IFT43: variants seen among roughly 807,000 people sequenced by gnomAD.
IFT43 encodes intraflagellar transport protein 43 homolog.
A neutral mutation model predicts 32.3 loss-of-function variants in IFT43; 33 were observed. That is an observed-to-expected ratio of 1.02 (90% CI 0.77 to 1.37). The LOEUF (loss-of-function observed/expected upper bound fraction) is 1.37. IFT43 is among the 40% of genes most tolerant of loss of function. The pLI is 0.00. For missense variants in IFT43, 274 were observed against 265.9 expected (o/e 1.03, Z -0.21); for synonymous variants, 93 against 98.2 (o/e 0.95, Z 0.31).
chr14:76,064,485 A>G (rs980159276), intron 5 of IFT43, among the ~76,000 whole-genome samples: 4 of 152,304 alleles, frequency 2.6e-5, no homozygotes, highest in African/African-American at 7.2e-5. Context: ...GCGGTTAAGG[A>G]GCAGTGTGCA....
intron 3 of IFT43, among the ~76,000 whole-genome samples, chr14:76,033,989 G>A (rs2036554327): frequency 6.6e-6 from 1 of 152,158 alleles, no homozygotes; most frequent in African/African-American, 2.4e-5. Context: ...CATGAAGAAG[G>A]CATTTTGGTT....
intron 3 of IFT43, among the ~76,000 whole-genome samples, chr14:76,051,580 C>T (rs1037133989): frequency 1.1e-4 from 17 of 152,208 alleles, no homozygotes; most frequent in African/African-American, 3.6e-4. Flanking sequence ...TTAGATGATC[C>T]GGGAATATTG....
intron 2 of IFT43, among the ~76,000 whole-genome samples, chr14:76,008,730 GA>G (rs1198982463): frequency 3.9e-5 from 6 of 152,128 alleles, no homozygotes; most frequent in African/African-American, 7.2e-5. Context: ...TTGATATGTG[GA>G]AAATATCTTG....
intron 2 of IFT43, among the ~76,000 whole-genome samples, chr14:76,000,374 C>T (rs1050895699): frequency 6.6e-5 from 10 of 151,336 alleles, no homozygotes; most frequent in African/African-American, 2.2e-4. Context: ...ACGCCATTCT[C>T]CTGCCTCAGC....
intron 2 of IFT43, among the ~76,000 whole-genome samples, chr14:76,021,253 C>T (rs947241582): frequency 3.3e-5 from 5 of 152,186 alleles, no homozygotes; most frequent in African/African-American, 7.2e-5. Flanking sequence ...TACTCGGTCA[C>T]TGGCAGCAGT....
intron 2 of IFT43, among the ~76,000 whole-genome samples, chr14:76,003,804 G>A (rs1223578230): frequency 6.6e-6 from 1 of 151,756 alleles, no homozygotes; most frequent in African/African-American, 2.4e-5. Context: ...TTGAGACAGA[G>A]TCTCACTCTG....
Position 76,082,660 on chromosome 14 carries a change from G to T in IFT43, c.412G>T (p.Asp138Tyr). Residue 138 changes from aspartate (D) to tyrosine (Y), a missense_variant, in exon 7 of 9, where the codon GAC (aspartate) becomes TAC (tyrosine). Transcript: ENST00000314067. ...RVMTYRDLDN[D>Y]LMKYSAIQTL... ...GATGACCTACCGTGACCTGGACAAT[G>T]ACCTCATGAAGTACTCAGCCATTCA... 1 of 1,613,858 alleles carries T rather than the reference G, an allele frequency of 6.2e-7. No homozygotes were observed. The highest frequency in any genetic ancestry group is 8.5e-7 in the Non-Finnish European group (1 of 1,179,804).
At chr14:75,986,898 A>G (rs762742314) in intron 1 of IFT43, among the ~76,000 whole-genome samples, 2 of 152,206 alleles carry the variant, frequency 1.3e-5, no homozygotes, top group African/African-American at 2.4e-5. Context: ...TCATTCAACA[A>G]ATATTTATTG....
chr14:76,010,216 A>T (rs2036057042), intron 2 of IFT43, among the ~76,000 whole-genome samples: 3 of 152,176 alleles, frequency 2.0e-5, no homozygotes, highest in Admixed American at 2.0e-4. Context: ...TTCCTCCGTC[A>T]CCTGTAGTCA....
intron 5 of IFT43, among the ~76,000 whole-genome samples, chr14:76,067,138 A>G (rs2037237490): frequency 6.6e-6 from 1 of 152,174 alleles, no homozygotes; most frequent in Non-Finnish European, 1.5e-5. Context: ...CCCTTGCTTC[A>G]TCCGTGGTAC....
intron 3 of IFT43, among the ~76,000 whole-genome samples, chr14:76,032,659 G>T (rs144473460): frequency 1.3e-5 from 2 of 152,258 alleles, no homozygotes; most frequent in African/African-American, 4.8e-5. Flanking sequence ...TCCATAATAA[G>T]CACTCGGTGA....
chr14:76,034,789 C>T (rs1326789646), intron 3 of IFT43, among the ~76,000 whole-genome samples: 1 of 152,204 alleles, frequency 6.6e-6, no homozygotes, highest in Non-Finnish European at 1.5e-5. Flanking sequence ...CAGGAATTGC[C>T]TGGGGCCTGG....
chr14:76,041,346 A>G (rs2036702795), intron 3 of IFT43, among the ~76,000 whole-genome samples: 1 of 152,226 alleles, frequency 6.6e-6, no homozygotes, highest in African/African-American at 2.4e-5. Context: ...CCCTTAAATG[A>G]TAACAGCCAA....
intron 5 of IFT43, among the ~76,000 whole-genome samples, chr14:76,060,437 T>C (rs1162069762): frequency 6.6e-6 from 1 of 152,134 alleles, no homozygotes; most frequent in Non-Finnish European, 1.5e-5. Flanking sequence ...CAGGCTGGTC[T>C]CTAACACCTG....
At chr14:76,016,073 G>A (rs946170425) in intron 2 of IFT43, among the ~76,000 whole-genome samples, 1 of 152,244 alleles carries the variant, frequency 6.6e-6, no homozygotes, top group Admixed American at 6.5e-5. Flanking sequence ...CTGGATGCTC[G>A]TTTCTTGTTG....
chr14:76,018,463 C>T (rs1250571430), intron 2 of IFT43, among the ~76,000 whole-genome samples: 1 of 152,036 alleles, frequency 6.6e-6, no homozygotes, highest in African/African-American at 2.4e-5. Flanking sequence ...GTTTTGTGGC[C>T]TAACATATGG....
At chr14:76,015,259 C>G (rs1487618288) in intron 2 of IFT43, among the ~76,000 whole-genome samples, 1 of 152,126 alleles carries the variant, frequency 6.6e-6, no homozygotes, top group African/African-American at 2.4e-5. Flanking sequence ...AGAACTAAAT[C>G]ATGTATGTAA....
rs191328943 is a variant in IFT43 at position 76,030,329 on chromosome 14, T to A, written c.215+7935T>A. ...AGATGGCTCTTATGCTTTTGTGCTT[T>A]ATTAGTATTAGAGTACGTGCTTGCT... On this transcript the variant is annotated intron_variant, in intron 3 of 8. Transcript: ENST00000314067. 2.1e-3 allele frequency among the ~76,000 whole-genome samples: 317 copies of A among 152,302 alleles called. 3 individuals are homozygous for A. The highest frequency in any genetic ancestry group is 2.5e-3 in the Non-Finnish European group (170 of 68,028).
chr14:76,015,039 ATCT>A (rs1214810270), intron 2 of IFT43, among the ~76,000 whole-genome samples: 2 of 152,188 alleles, frequency 1.3e-5, no homozygotes, highest in Non-Finnish European at 2.9e-5. Context: ...CAGGGATGAC[ATCT>A]TCTACTTTTT....
Sources: allele counts gnomAD v4.1 joint callset (sites outside exome capture counted in the v4.1 genomes callset), GRCh38; gene constraint gnomAD v4.1.1; transcripts MANE v1.5; gene names NCBI Gene and HGNC (gene_info 2026-07-23, HGNC 2026-07-21).